The following CCDC146 variants were observed in gnomAD, a reference collection of about 807,000 sequenced individuals.
CCDC146 encodes coiled-coil domain containing 146, also known as coiled-coil domain-containing protein 146.
Under a neutral mutation model 119.3 loss-of-function variants are expected in CCDC146, and 92 were observed. The observed-to-expected ratio is 0.77, with a 90% CI of 0.65 to 0.92. The LOEUF is 0.92. CCDC146 is among the 40% of genes least tolerant of loss of function. CCDC146 has a pLI of 0.00. For missense variants in CCDC146, 1,000 were observed against 1,103.0 expected, an observed-to-expected ratio of 0.91 and a Z score of 1.32; for synonymous variants, 372 against 371.8, an observed-to-expected ratio of 1.00 and a Z score of -0.01.
chr7:77,206,943 A>G (rs1399187821), intron 2 of CCDC146, among the ~76,000 whole-genome samples: 1 of 152,144 alleles, frequency 6.6e-6, no homozygotes, highest in Non-Finnish European at 1.5e-5. Flanking sequence ...AAATAATTTC[A>G]TGCCAAATGC....
At chr7:77,130,844 G>A (rs1266273600) in intron 1 of CCDC146, among the ~76,000 whole-genome samples, 1 of 149,290 alleles carries the variant, frequency 6.7e-6, no homozygotes, top group East Asian at 2.0e-4. Flanking sequence ...TGATCCGCCC[G>A]TCTGGGCCTC....
chr7:77,293,333 T>C (rs887305376), intron 18 of CCDC146, 133 bp downstream of exon 18: 3 of 951,270 alleles, frequency 3.2e-6, no homozygotes, highest in South Asian at 1.6e-5. Flanking sequence ...TCGTTAGAAG[T>C]GTATTTAAGA....
chr7:77,135,824 A>C (rs1266723390), intron 1 of CCDC146, among the ~76,000 whole-genome samples: 1 of 152,258 alleles, frequency 6.6e-6, no homozygotes, highest in East Asian at 1.9e-4. Flanking sequence ...GTGGAGAAAA[A>C]TATACCCTGT....
At chr7:77,185,098 G>A (rs76335190) in intron 2 of CCDC146, among the ~76,000 whole-genome samples, 1 of 151,524 alleles carries the variant, frequency 6.6e-6, no homozygotes, top group African/African-American at 2.4e-5. Context: ...TTTTTTTCCA[G>A]GGAAGATTGT....
chr7:77,190,420 T>C (rs992055717), intron 2 of CCDC146, among the ~76,000 whole-genome samples: 1 of 152,222 alleles, frequency 6.6e-6, no homozygotes, highest in African/African-American at 2.4e-5. Context: ...TGCAAAGCCT[T>C]CTCTTTCCAT....
chr7:77,264,337 A>C (rs888105048), intron 9 of CCDC146, among the ~76,000 whole-genome samples: 1 of 152,034 alleles, frequency 6.6e-6, no homozygotes, highest in African/African-American at 2.4e-5. Context: ...AGCTCACTGC[A>C]ATCTCCACCT....
At chr7:77,251,631 A>G (rs980517776) in intron 4 of CCDC146, among the ~76,000 whole-genome samples, 3 of 152,130 alleles carry the variant, frequency 2.0e-5, no homozygotes, top group African/African-American at 7.2e-5. Context: ...GGAGCATTCT[A>G]CAGTGTTGTG....
intron 1 of CCDC146, among the ~76,000 whole-genome samples, chr7:77,146,885 A>G (rs960201836): frequency 7.2e-5 from 11 of 152,052 alleles, no homozygotes; most frequent in Non-Finnish European, 1.6e-4. Context: ...ACAATTATGT[A>G]TCTTGGAGTT....
rs546322992 is a variant in CCDC146 at position 77,223,824 on chromosome 7, G to A, written c.157-13123G>A. On this transcript the variant is annotated intron_variant, in intron 2 of 18. Transcript: ENST00000285871. Reference sequence around the variant, plus strand: ...AGCAGGGTTCCTGTCATCAAGGAATGCACAGTCTAATGGGGGGGTAAATGT... The same window carrying A: ...AGCAGGGTTCCTGTCATCAAGGAATACACAGTCTAATGGGGGGGTAAATGT... Among the ~76,000 whole-genome samples the A allele has an allele frequency of 5.9e-5, 9 of 152,300 alleles. No individual in the cohort carries two copies. In the South Asian group the frequency reaches 1.0e-3, roughly 18 times the overall value.
intron 17 of CCDC146, among the ~76,000 whole-genome samples, chr7:77,292,166 T>C (rs368181399): frequency 6.6e-6 from 1 of 152,202 alleles, no homozygotes; most frequent in East Asian, 1.9e-4. Flanking sequence ...TGGTGGTGCA[T>C]GGCTATAGTC....
At chr7:77,230,494 A>ATG (rs71524923) in intron 2 of CCDC146, among the ~76,000 whole-genome samples, 84,031 of 149,168 alleles carry the variant, frequency 0.56, 25,382 homozygotes, top group Non-Finnish European at 0.69. Context: ...GTTGACAGGT[A>ATG]TGTGTGTGTG....
chr7:77,199,396 A>C, intron 2 of CCDC146: 1 of 1,614,014 alleles, frequency 6.2e-7, no homozygotes, highest in Non-Finnish European at 8.5e-7. Flanking sequence ...CTCACTCTCT[A>C]ATTCTCTAAC....
intron 1 of CCDC146, among the ~76,000 whole-genome samples, chr7:77,145,340 C>G (rs1363319843): frequency 3.3e-5 from 5 of 151,570 alleles, no homozygotes; most frequent in African/African-American, 1.2e-4. Context: ...AGTGGTCTAT[C>G]AATTTTGTTG....
chr7:77,211,847 C>T (rs1294701675), intron 2 of CCDC146, among the ~76,000 whole-genome samples: 1 of 152,108 alleles, frequency 6.6e-6, no homozygotes, highest in Non-Finnish European at 1.5e-5. Context: ...AACTCCTGAC[C>T]TCAAGTGATC....
chr7:77,277,363 C>G (rs1793669295), intron 11 of CCDC146, among the ~76,000 whole-genome samples: 1 of 152,114 alleles, frequency 6.6e-6, no homozygotes, highest in Admixed American at 6.5e-5. Context: ...CTATGTGTGA[C>G]TAATCTATGT....
intron 2 of CCDC146, among the ~76,000 whole-genome samples, chr7:77,225,202 G>T (rs1792486535): frequency 6.6e-6 from 1 of 152,168 alleles, no homozygotes; most frequent in Non-Finnish European, 1.5e-5. Context: ...CAACTGAAGA[G>T]ACTGAGGCAA....
chr7:77,206,664 T>TACAC (rs1253735054), intron 2 of CCDC146, among the ~76,000 whole-genome samples: 39 of 140,618 alleles, frequency 2.8e-4, no homozygotes, highest in African/African-American at 1.2e-3. Flanking sequence ...TATATATATA[T>TACAC]ATATATATAC....
chr7:77,131,690 C>T (rs1280868689), intron 1 of CCDC146, among the ~76,000 whole-genome samples: 1 of 152,228 alleles, frequency 6.6e-6, no homozygotes, highest in Non-Finnish European at 1.5e-5. Context: ...TGCACTTAAG[C>T]CTGGGCAACA....
chr7:77,287,376 G>A, intron 16 of CCDC146, 64 bp from the exon 17 acceptor site: 1 of 1,555,880 alleles, frequency 6.4e-7, no homozygotes, highest in South Asian at 1.1e-5. Context: ...GCTCTAATTA[G>A]GAAATAAGAT....
Sources: allele counts gnomAD v4.1 joint callset (sites outside exome capture counted in the v4.1 genomes callset), GRCh38; gene constraint gnomAD v4.1.1; transcripts MANE v1.5; gene names NCBI Gene and HGNC (gene_info 2026-07-23, HGNC 2026-07-21).